LARGE1: variants seen among roughly 807,000 people sequenced by gnomAD.
LARGE1 encodes xylosyl- and glucuronyltransferase LARGE1.
A neutral mutation model predicts 87.6 loss-of-function variants in LARGE1; 43 were observed. That is an observed-to-expected ratio of 0.49 (90% CI 0.38 to 0.63). The LOEUF is 0.63. Among genes scored for constraint, LARGE1 ranks in the 30% least tolerant of loss-of-function variants. The pLI is 0.00. For missense variants in LARGE1, 802 were observed against 1,000.2 expected (o/e 0.80, Z 2.67); for synonymous variants, 434 against 394.6 (o/e 1.10, Z -1.18).
the LARGE1 span, among the ~76,000 whole-genome samples, chr22:33,120,358 T>TTTCTTTCTTTCTTTC: frequency 1.2e-4 from 14 of 118,776 alleles, no homozygotes; most frequent in African/African-American, 4.8e-4. Flanking sequence ...TTTTCTTTCT[T>TTTCTTTCTTTCTTTC]TTTCTTTCTT....
chr22:33,718,954 A>AT (rs1175582688), intron 2 of LARGE1, among the ~76,000 whole-genome samples: 3 of 151,918 alleles, frequency 2.0e-5, no homozygotes, highest in Non-Finnish European at 4.4e-5. Flanking sequence ...CCACACAGCT[A>AT]TTTTTTGTAC....
intron 4 of LARGE1, among the ~76,000 whole-genome samples, chr22:33,606,731 A>C (rs868142150): frequency 2.0e-5 from 3 of 152,098 alleles, no homozygotes; most frequent in Non-Finnish European, 2.9e-5. Flanking sequence ...CACAGTGGTG[A>C]GTCAGACATA....
At chr22:33,405,902 C>G (rs2066080331) in intron 7 of LARGE1, among the ~76,000 whole-genome samples, 1 of 152,086 alleles carries the variant, frequency 6.6e-6, no homozygotes, top group South Asian at 2.1e-4. Flanking sequence ...TACGTTAACT[C>G]ATTAGAATAA....
intron 5 of LARGE1, among the ~76,000 whole-genome samples, chr22:33,588,902 A>G (rs1428986282): frequency 1.3e-5 from 2 of 152,240 alleles, no homozygotes; most frequent in Non-Finnish European, 2.9e-5. Flanking sequence ...CCTGAGAATT[A>G]GCACCCTCAA....
intron 5 of LARGE1, among the ~76,000 whole-genome samples, chr22:33,576,141 C>T (rs1004392961): frequency 7.3e-4 from 111 of 152,126 alleles, no homozygotes; most frequent in Admixed American, 2.1e-3. Flanking sequence ...TTCTTATTAC[C>T]GTGCACAGTA....
chr22:33,460,063 CA>C (rs2068312647), intron 6 of LARGE1, among the ~76,000 whole-genome samples: 1 of 152,216 alleles, frequency 6.6e-6, no homozygotes, highest in Non-Finnish European at 1.5e-5. Context: ...CTGGGGTCTT[CA>C]AACGCATGGC....
intron 1 of LARGE1, among the ~76,000 whole-genome samples, chr22:33,840,670 T>G (rs2063254712): frequency 6.8e-6 from 1 of 146,012 alleles, no homozygotes; most frequent in Non-Finnish European, 1.5e-5. Context: ...ACTTAGATTT[T>G]TCAGCTTTTT....
intron 4 of LARGE1, among the ~76,000 whole-genome samples, chr22:33,619,365 G>A (rs943063803): frequency 1.2e-4 from 19 of 152,098 alleles, no homozygotes; most frequent in Admixed American, 1.1e-3. Context: ...GACCAGCCTG[G>A]CCAACGTGGC....
At chr22:33,872,300 G>A (rs1056122207) in intron 1 of LARGE1, among the ~76,000 whole-genome samples, 4 of 151,496 alleles carry the variant, frequency 2.6e-5, no homozygotes, top group African/African-American at 7.3e-5. Context: ...CTCAGGTTGA[G>A]TGTACCAGAA....
chr22:33,607,720 G>A (rs1225997826), intron 4 of LARGE1, among the ~76,000 whole-genome samples: 2 of 152,104 alleles, frequency 1.3e-5, no homozygotes. Context: ...TGCTGCTGCT[G>A]AATGGGTGGG....
At chr22:33,181,821 C>A (rs1923182693) in intron 11 of LARGE1, among the ~76,000 whole-genome samples, 1 of 127,410 alleles carries the variant, frequency 7.8e-6, no homozygotes, top group Non-Finnish European at 1.6e-5. Context: ...AGCCAGTATG[C>A]CTGGCCTTTT....
At chr22:33,480,502 T>C (rs764799356) in intron 6 of LARGE1, among the ~76,000 whole-genome samples, 29 of 152,118 alleles carry the variant, frequency 1.9e-4, no homozygotes, top group Admixed American at 9.8e-4. Flanking sequence ...CAGGGAGTAT[T>C]TTCCAGAAAG....
At chr22:33,321,157 G>C (rs1417288172) in intron 10 of LARGE1, 1 of 152,254 alleles carries the variant, frequency 6.6e-6, no homozygotes, top group Non-Finnish European at 1.5e-5. Flanking sequence ...GCTGCATATA[G>C]AGAAAACAGC....
chr22:33,659,601 G>T (rs866689931), intron 2 of LARGE1, among the ~76,000 whole-genome samples: 1 of 152,044 alleles, frequency 6.6e-6, no homozygotes, highest in Admixed American at 6.6e-5. Flanking sequence ...AAGGCTGCTC[G>T]CTTTTTATGA....
chr22:33,485,354 C>T (rs1569204932), intron 6 of LARGE1, among the ~76,000 whole-genome samples: 1 of 151,990 alleles, frequency 6.6e-6, no homozygotes, highest in Non-Finnish European at 1.5e-5. Flanking sequence ...GCTGGGATTA[C>T]AGGCACGGGC....
At chr22:33,407,938 C>T (rs968112245) in intron 7 of LARGE1, among the ~76,000 whole-genome samples, 1 of 151,316 alleles carries the variant, frequency 6.6e-6, no homozygotes, top group Non-Finnish European at 1.5e-5. Flanking sequence ...ATACACATGT[C>T]ATAGTAAAGT....
intron 2 of LARGE1, among the ~76,000 whole-genome samples, chr22:33,728,160 T>C (rs1478577245): frequency 6.6e-6 from 1 of 152,018 alleles, no homozygotes; most frequent in African/African-American, 2.4e-5. Flanking sequence ...ACTCCACTTG[T>C]AGTATCCCGT....
At chr22:33,441,279 G>A (rs2067466756) in intron 6 of LARGE1, among the ~76,000 whole-genome samples, 1 of 151,700 alleles carries the variant, frequency 6.6e-6, no homozygotes, top group East Asian at 1.9e-4. Flanking sequence ...TCATCATGTT[G>A]GCCAGGCTAG....
At chr22:33,270,903 C>G (rs916194000), downstream of LARGE1, among the ~76,000 whole-genome samples, 42 of 152,182 alleles carry the variant, frequency 2.8e-4, no homozygotes, top group African/African-American at 9.9e-4. Flanking sequence ...TCTGAAGCAG[C>G]ATGCTAAGTC....
Sources: allele counts gnomAD v4.1 joint callset (sites outside exome capture counted in the v4.1 genomes callset), GRCh38; gene constraint gnomAD v4.1.1; transcripts MANE v1.5; gene names NCBI Gene and HGNC (gene_info 2026-07-23, HGNC 2026-07-21).